Variants in ARMC8 observed in about 807,000 individuals in gnomAD.
ARMC8 encodes armadillo repeat-containing protein 8.
Under a neutral mutation model 99.3 loss-of-function variants are expected in ARMC8, and 20 were observed. That is an observed-to-expected ratio of 0.20 (90% CI 0.14 to 0.29). ARMC8 has a LOEUF of 0.29. Among genes scored for constraint, ARMC8 ranks in the 10% least tolerant of loss-of-function variants. ARMC8 has a pLI of 1.00. For synonymous variants in ARMC8, 263 were observed against 278.3 expected (o/e 0.95, Z 0.55); for missense variants, 569 against 809.5 (o/e 0.70, Z 3.60).
intron 12 of ARMC8, among the ~76,000 whole-genome samples, chr3:138,255,694 C>T (rs1369864202): frequency 6.6e-6 from 1 of 152,084 alleles, no homozygotes; most frequent in Non-Finnish European, 1.5e-5. Flanking sequence ...TAGAAAAAAA[C>T]AAAAGCTGGG....
At chr3:138,284,603 G>A in intron 19 of ARMC8, 77 bp downstream of exon 19, 2 of 1,100,002 alleles carry the variant, frequency 1.8e-6, no homozygotes, top group South Asian at 1.4e-5. Context: ...AAATTGTGCA[G>A]AGATTTTAAA....
At chr3:138,239,635 TGCATGGC>T in intron 10 of ARMC8, 107 bp downstream of exon 10, 2 of 646,110 alleles carry the variant, frequency 3.1e-6, no homozygotes, top group African/African-American at 1.9e-5. Context: ...ATGATATATG[TGCATGGC>T]GTAGAATAAT....
chr3:138,206,791 C>T (rs1480289693), intron 1 of ARMC8, among the ~76,000 whole-genome samples: 1 of 152,122 alleles, frequency 6.6e-6, no homozygotes, highest in East Asian at 1.9e-4. Context: ...TAGACAAAAG[C>T]GTAGAGTAAG....
At chr3:138,215,988 G>A (rs1389864728) in intron 2 of ARMC8, among the ~76,000 whole-genome samples, 1 of 150,832 alleles carries the variant, frequency 6.6e-6, no homozygotes. Context: ...AGCCTCCCGA[G>A]TAGCTGGGAT....
intron 1 of ARMC8, among the ~76,000 whole-genome samples, chr3:138,198,164 CT>C (rs773306340): frequency 1.1e-4 from 17 of 152,126 alleles, no homozygotes; most frequent in Admixed American, 3.9e-4. Flanking sequence ...TAGCAAAACC[CT>C]GTCTCTTGGG....
intron 12 of ARMC8, among the ~76,000 whole-genome samples, chr3:138,259,093 G>C (rs1338148622): frequency 2.0e-5 from 3 of 152,184 alleles, no homozygotes; most frequent in African/African-American, 7.2e-5. Flanking sequence ...GCTTTTGCAG[G>C]GTGCTAGGAC....
chr3:138,276,655 A>G (rs2108322583), intron 18 of ARMC8, among the ~76,000 whole-genome samples: 1 of 152,190 alleles, frequency 6.6e-6, no homozygotes, highest in Admixed American at 6.5e-5. Flanking sequence ...TTGAGATATT[A>G]AACAGTACCA....
chr3:138,218,005 T>C (rs2045171932), intron 2 of ARMC8, among the ~76,000 whole-genome samples: 1 of 152,220 alleles, frequency 6.6e-6, no homozygotes, highest in Non-Finnish European at 1.5e-5. Context: ...TATAACCAGA[T>C]ACCTAGATGG....
At position 138,294,223 on chromosome 3, in the gene ARMC8, G is replaced by T. The variant is rs139114762; in HGVS notation, c.1989-1636G>T. Reference sequence around the variant, plus strand: ...AGAATATATCTCTCAGGTTCCTTTTGTCGTTAAGACTTTGATCCTTTGACT... The same window carrying T: ...AGAATATATCTCTCAGGTTCCTTTTTTCGTTAAGACTTTGATCCTTTGACT... On this transcript the variant is annotated intron_variant, in intron 21 of 21. Coordinates refer to ENST00000469044, the MANE Select transcript of ARMC8 (RefSeq NM_001363941.2). Among the ~76,000 whole-genome samples the T allele has an allele frequency of 6.8e-4, 104 of 152,262 alleles. 1 individual carries two copies. In the East Asian group the frequency reaches 0.014, roughly 21 times the overall value.
At chr3:138,279,640 A>G (rs1482235485) in intron 18 of ARMC8, among the ~76,000 whole-genome samples, 1 of 152,204 alleles carries the variant, frequency 6.6e-6, no homozygotes, top group African/African-American at 2.4e-5. Context: ...TTTTGATGGA[A>G]TGCTACCAGT....
At chr3:138,290,819 C>G (rs2050866068) in intron 21 of ARMC8, among the ~76,000 whole-genome samples, 180 bp downstream of exon 21, 1 of 152,118 alleles carries the variant, frequency 6.6e-6, no homozygotes, top group South Asian at 2.1e-4. Context: ...TAATAATTAC[C>G]AAATTATTAA....
chr3:138,209,945 T>A, intron 2 of ARMC8, 52 bp downstream of exon 2: 2 of 1,369,014 alleles, frequency 1.5e-6, no homozygotes, highest in Non-Finnish European at 2.1e-6. Flanking sequence ...TTTTCATGTT[T>A]TAATCTGCCA....
intron 18 of ARMC8, among the ~76,000 whole-genome samples, chr3:138,276,580 T>G (rs2049316482): frequency 6.6e-6 from 1 of 152,170 alleles, no homozygotes. Flanking sequence ...ATAAATGAGT[T>G]AAGCAAGGTC....
In ARMC8 at chr3:138,233,441, G is replaced by A. The variant is rs141382287; in HGVS notation, c.529-1593G>A. Among the ~76,000 whole-genome samples, 16 of 152,248 alleles carry A rather than the reference G, an allele frequency of 1.1e-4. No homozygotes were observed. In the South Asian group the frequency reaches 2.7e-3, roughly 26 times the overall value. ...GTTCAACAAAACACTGCTTATAGCA[G>A]TAAAACATTAGAAACTACCTAAAAT... On this transcript the variant is annotated intron_variant, in intron 6 of 21. Transcript: ENST00000469044.
chr3:138,200,834 T>C (rs2044016520), intron 1 of ARMC8, among the ~76,000 whole-genome samples: 1 of 151,672 alleles, frequency 6.6e-6, no homozygotes, highest in South Asian at 2.1e-4. Context: ...TATAATGATA[T>C]CACTTATTTA....
At chr3:138,223,864 C>A in intron 5 of ARMC8, 131 bp downstream of exon 5, 1 of 718,862 alleles carries the variant, frequency 1.4e-6, no homozygotes, top group Non-Finnish European at 2.4e-6. Flanking sequence ...TGGCTCACAC[C>A]AGTAATCCCA....
rs563054738 is a variant in ARMC8 at position 138,251,488 on chromosome 3, G to A, written c.1134+6305G>A. The stretch of plus-strand genomic sequence containing the variant: ...GACTTGGCTCTGCTACTGAATAGCA[G>A]CAAATTCATTCGGATTTCATAATTC... On this transcript the variant is annotated intron_variant, in intron 12 of 21. Coordinates refer to ENST00000469044, the MANE Select transcript of ARMC8 (RefSeq NM_001363941.2). Among the ~76,000 whole-genome samples the A allele has an allele frequency of 3.3e-5, 5 of 152,296 alleles. No individual in the cohort carries two copies. In the East Asian group the frequency reaches 9.7e-4, roughly 29 times the overall value.
At chr3:138,189,827 G>A (rs901278774) in intron 1 of ARMC8, among the ~76,000 whole-genome samples, 3 of 152,098 alleles carry the variant, frequency 2.0e-5, no homozygotes, top group Admixed American at 6.5e-5. Context: ...AAATTGTGTG[G>A]ATGACACCCA....
intron 11 of ARMC8, among the ~76,000 whole-genome samples, chr3:138,244,710 C>A (rs1363256649): frequency 1.3e-5 from 2 of 152,218 alleles, no homozygotes; most frequent in Non-Finnish European, 2.9e-5. Context: ...TAGAGAAGTC[C>A]AGGTGTGCCT....
Sources: gnomAD v4.1 joint callset for allele counts (sites outside exome capture counted in the v4.1 genomes callset) on GRCh38, gnomAD v4.1.1 for gene constraint, MANE v1.5 for transcripts, NCBI Gene and HGNC (gene_info 2026-07-23, HGNC 2026-07-21) for gene names.